The following NSD2 variants were observed in gnomAD, a reference collection of about 807,000 sequenced individuals.
NSD2 encodes nuclear receptor binding SET domain protein 2.
NSD2 carries 12 observed loss-of-function variants against 139.0 expected under a neutral mutation model. The ratio of observed to expected loss-of-function variants is 0.09; its 90% CI spans 0.06 to 0.14. NSD2 has a LOEUF of 0.14. NSD2 is among the 10% of genes least tolerant of loss of function. NSD2 has a pLI of 1.00. For missense variants in NSD2, 1,155 were observed against 1,745.0 expected, an observed-to-expected ratio of 0.66 and a Z score of 6.02; for synonymous variants, 669 against 648.7, an observed-to-expected ratio of 1.03 and a Z score of -0.48.
In NSD2 at chr4:1,939,476, C is replaced by T. The variant is rs560926324; in HGVS notation, c.1757-178C>T. 4.4e-6 allele frequency: 3 copies of T among 689,414 alleles called. No homozygotes were observed. In the South Asian group the frequency reaches 5.8e-5, roughly 13 times the overall value. 42.7% of individuals were successfully genotyped at this position (689,414 alleles called of 1,614,324 possible). On this transcript the variant is annotated intron_variant, in intron 8 of 21. Transcript: ENST00000508803. ...TAGCGAGGACATGGGGTTCATTGTA[C>T]AGTTTGTCTGCTTTTGTTTATGTTC... is the stretch of plus-strand genomic sequence containing the variant.
intron 9 of NSD2, chr4:1,946,196 A>G: frequency 9.8e-7 from 1 of 1,018,778 alleles, no homozygotes; most frequent in Non-Finnish European, 1.2e-6. Flanking sequence ...GTTTCTTAAA[A>G]TACTCACAAA....
At chr4:1,964,825 A>AAAATTAGG (rs1725719212) in intron 18 of NSD2, among the ~76,000 whole-genome samples, 3 of 152,200 alleles carry the variant, frequency 2.0e-5, no homozygotes, top group Admixed American at 2.0e-4. Context: ...GAAAATTTAG[A>AAAATTAGG]AAATTAGACA....
chr4:1,921,497 G>A (rs1389975715), intron 5 of NSD2, among the ~76,000 whole-genome samples: 1 of 149,630 alleles, frequency 6.7e-6, no homozygotes, highest in East Asian at 2.0e-4. Context: ...AATCATGAAC[G>A]AGGGCCAGGC....
chr4:1,960,165 A>AT (rs1467856703), intron 17 of NSD2, among the ~76,000 whole-genome samples: 2 of 152,118 alleles, frequency 1.3e-5, no homozygotes, highest in Non-Finnish European at 2.9e-5. Flanking sequence ...GACCTGAAAT[A>AT]TTTTTTTGAA....
intron 1 of NSD2, chr4:1,892,829 AG>A (rs1412610786): frequency 6.6e-6 from 1 of 152,088 alleles, no homozygotes; most frequent in African/African-American, 2.4e-5. Context: ...AGCCTCCCAA[AG>A]TGCTGGGATT....
At position 1,951,056 on chromosome 4, in the gene NSD2, C is replaced by T. The variant is rs1312205711; in HGVS notation, c.1882-16C>T. ...TCTGCGACTAGTGAACTGTCATCCG[C>T]CTCCTTCATCTCTAGGTCTCGGACA... On this transcript the variant is annotated splice_polypyrimidine_tract_variant and intron_variant, in intron 9 of 21. Coordinates refer to ENST00000508803, the MANE Select transcript of NSD2 (RefSeq NM_001042424.3). 6 of 1,613,654 alleles carry T rather than the reference C, an allele frequency of 3.7e-6. No homozygotes were observed. The African/African-American group carries it at 4.0e-5, about 11-fold the overall frequency.
intron 3 of NSD2, among the ~76,000 whole-genome samples, chr4:1,913,029 A>C (rs945327261): frequency 3.3e-5 from 5 of 152,230 alleles, no homozygotes; most frequent in Non-Finnish European, 4.4e-5. Flanking sequence ...TTATATATGA[A>C]TATTATTAAT....
At chr4:1,967,315 C>T (rs768109486) in intron 18 of NSD2, among the ~76,000 whole-genome samples, 1 of 152,226 alleles carries the variant, frequency 6.6e-6, no homozygotes, top group Non-Finnish European at 1.5e-5. Context: ...CACGGTGGCT[C>T]ATGCCTGTAA....
chr4:1,918,114 T>C lies in NSD2; in HGVS notation c.928-27T>C, dbSNP rs781087646. ...AACTTTTATGTTTGTGTAGTGAAAC[T>C]TACAGTGTCTCTTTTTTTTTTCCCA... On this transcript the variant is annotated intron_variant, in intron 4 of 21. Transcript: ENST00000508803. 71 of 1,597,078 alleles carry C rather than the reference T, an allele frequency of 4.4e-5. No homozygotes were observed. The South Asian group carries it at 7.9e-4, about 18-fold the overall frequency.
intron 16 of NSD2, among the ~76,000 whole-genome samples, chr4:1,959,038 G>T (rs561295988): frequency 1.3e-5 from 2 of 152,350 alleles, no homozygotes; most frequent in Admixed American, 1.3e-4. Flanking sequence ...GGACTCCCAT[G>T]TGGCTTGCTG....
At chr4:1,923,316 CAAAAA>C (rs34772768) in intron 5 of NSD2, among the ~76,000 whole-genome samples, 3 of 62,248 alleles carry the variant, frequency 4.8e-5, no homozygotes, top group African/African-American at 5.1e-5. Flanking sequence ...GACCCTGGCT[CAAAAA>C]AAAAAAAAAA....
At position 1,873,958 on chromosome 4, in the gene NSD2, G is replaced by T. The variant is rs551434767; in HGVS notation, c.-30+2416G>T. Reference sequence around the variant, plus strand: ...GGTGCACTTCAGTCCCAAACTCTTGGGCTCAAGTGATTCTCCCGCCTCAGC... The same window carrying T: ...GGTGCACTTCAGTCCCAAACTCTTGTGCTCAAGTGATTCTCCCGCCTCAGC... On this transcript the variant is annotated intron_variant, in intron 1 of 21. Transcript: ENST00000508803. Among the ~76,000 whole-genome samples, 47 of 152,206 alleles carry T rather than the reference G, an allele frequency of 3.1e-4. No homozygotes were observed. The South Asian group carries it at 3.9e-3, about 13-fold the overall frequency.
chr4:1,909,959 T>C (rs754657745), intron 3 of NSD2, among the ~76,000 whole-genome samples: 1 of 151,490 alleles, frequency 6.6e-6, no homozygotes, highest in Non-Finnish European at 1.5e-5. Flanking sequence ...AAAAAAAAAA[T>C]TATTTATCAT....
chr4:1,891,396 C>T (rs552109524), intron 1 of NSD2, among the ~76,000 whole-genome samples: 4 of 152,218 alleles, frequency 2.6e-5, no homozygotes, highest in Admixed American at 6.5e-5. Flanking sequence ...GTCCGTCTCA[C>T]GGCCTGGCTC....
intron 5 of NSD2, among the ~76,000 whole-genome samples, chr4:1,922,191 C>T (rs537929961): frequency 9.9e-5 from 15 of 152,236 alleles, no homozygotes; most frequent in Non-Finnish European, 2.1e-4. Context: ...ATAAAGCTGT[C>T]ATTGTTTGCA....
intron 18 of NSD2, among the ~76,000 whole-genome samples, chr4:1,966,920 A>C (rs1333433273): frequency 6.6e-6 from 1 of 152,216 alleles, no homozygotes; most frequent in Non-Finnish European, 1.5e-5. Context: ...AGTTAAACTT[A>C]ATATAATCAA....
At chr4:1,934,621 A>T (rs957644058) in intron 6 of NSD2, among the ~76,000 whole-genome samples, 7 of 149,826 alleles carry the variant, frequency 4.7e-5, no homozygotes, top group Non-Finnish European at 4.4e-5. Flanking sequence ...AGGCCGAGGC[A>T]GGCGGATCAC....
At chr4:1,970,663 T>C (rs1053530478) in intron 18 of NSD2, among the ~76,000 whole-genome samples, 1 of 152,088 alleles carries the variant, frequency 6.6e-6, no homozygotes, top group Non-Finnish European at 1.5e-5. Context: ...TGAGGTGTGT[T>C]CAGGAGCAAA....
chr4:1,955,730 C>T lies in NSD2; in HGVS notation c.2556C>T (p.Ala852=). ...TGTGCTGTGAGTCCTGCCCAGCGGC[C>T]TTCCACCCTGACTGCCTGAACATCG... ...SLLCCESCPA[A]FHPDCLNIEM... The change falls in exon 14 of 22, where the codon GCC becomes GCT. Residue 852 remains alanine (A), a synonymous_variant. Transcript: ENST00000508803. The surrounding 1 kb of genome is among the most constrained non-coding windows in gnomAD (Gnocchi z 4.7). 1.2e-6 allele frequency: 2 copies of T among 1,614,062 alleles called. No individual in the cohort carries two copies. The highest frequency in any genetic ancestry group is 1.7e-6 in the Non-Finnish European group (2 of 1,179,986).
Sources: gnomAD v4.1 joint callset for allele counts (sites outside exome capture counted in the v4.1 genomes callset) on GRCh38, gnomAD v4.1.1 for gene constraint, Gnocchi (gnomAD v3.1) non-coding constraint, MANE v1.5 for transcripts, NCBI Gene and HGNC (gene_info 2026-07-23, HGNC 2026-07-21) for gene names.